The following SPHKAP variants were observed in gnomAD, a reference collection of about 807,000 sequenced individuals.
SPHKAP encodes SPHK1 interactor, AKAP domain containing.
Under a neutral mutation model 137.5 loss-of-function variants are expected in SPHKAP, and 67 were observed. The observed-to-expected ratio is 0.49, with a 90% CI of 0.40 to 0.60. The LOEUF is 0.60. SPHKAP is among the 20% of genes least tolerant of loss of function. SPHKAP has a pLI of 0.00. For missense variants in SPHKAP, 2,097 were observed against 2,069.3 expected, an observed-to-expected ratio of 1.01 and a Z score of -0.26; for synonymous variants, 813 against 785.3, an observed-to-expected ratio of 1.04 and a Z score of -0.59.
intron 8 of SPHKAP, among the ~76,000 whole-genome samples, chr2:227,994,287 A>G (rs1693540467): frequency 6.6e-6 from 1 of 152,194 alleles, no homozygotes; most frequent in Admixed American, 6.5e-5. Context: ...CACAGATTGC[A>G]TCATGTTCAT....
intron 3 of SPHKAP, among the ~76,000 whole-genome samples, chr2:228,037,521 A>C (rs886640901): frequency 1.3e-5 from 2 of 152,154 alleles, no homozygotes; most frequent in African/African-American, 4.8e-5. Flanking sequence ...CCTGGAAGTC[A>C]TTCCTATATG....
intron 3 of SPHKAP, among the ~76,000 whole-genome samples, chr2:228,048,124 C>T (rs941755154): frequency 2.0e-5 from 3 of 152,126 alleles, no homozygotes; most frequent in African/African-American, 7.2e-5. Context: ...CTGAAGGGGA[C>T]ACCATGCTCC....
intron 1 of SPHKAP, among the ~76,000 whole-genome samples, chr2:228,166,896 C>T (rs879280640): frequency 1.6e-4 from 24 of 152,088 alleles, no homozygotes; most frequent in Non-Finnish European, 2.9e-4. Flanking sequence ...TGGAAGTTTA[C>T]AGTCATGGCA....
intron 3 of SPHKAP, among the ~76,000 whole-genome samples, chr2:228,048,979 C>T (rs1252164359): frequency 6.6e-6 from 1 of 152,152 alleles, no homozygotes; most frequent in Non-Finnish European, 1.5e-5. Flanking sequence ...CGCGATTGCA[C>T]TGACACCAAC....
Position 227,981,776 on chromosome 2 carries a change from G to T in SPHKAP, c.5044C>A (p.His1682Asn), listed in dbSNP as rs776844223. ...AGTCTCCCATCCTTCTGCTCCTCATGCATTTTGCAGTACTGGACAACTGCA... is the reference window on the plus strand; with the variant it reads ...AGTCTCCCATCCTTCTGCTCCTCATTCATTTTGCAGTACTGGACAACTGCA... Reference protein sequence around the residue: ...FHAVVQYCKMHEEQKDGRLSL... With the variant: ...FHAVVQYCKMNEEQKDGRLSL... The change falls in exon 12 of 12, where the codon CAT becomes AAT. Residue 1682 changes from histidine to asparagine, a missense_variant. Coordinates refer to ENST00000392056, the MANE Select transcript of SPHKAP (RefSeq NM_001142644.2). 1 of 1,613,740 alleles carries T rather than the reference G, an allele frequency of 6.2e-7. No homozygotes were observed. The highest frequency in any genetic ancestry group is 8.5e-7 in the Non-Finnish European group (1 of 1,179,826).
At chr2:228,059,822 T>C (rs1193067136) in intron 3 of SPHKAP, among the ~76,000 whole-genome samples, 1 of 152,218 alleles carries the variant, frequency 6.6e-6, no homozygotes, top group Non-Finnish European at 1.5e-5. Context: ...GTGAGTTTGG[T>C]TGGCTTATCT....
intron 7 of SPHKAP, among the ~76,000 whole-genome samples, chr2:228,000,725 C>A (rs1389609234): frequency 6.6e-6 from 1 of 152,050 alleles, no homozygotes; most frequent in African/African-American, 2.4e-5. Flanking sequence ...CTTGACAGTT[C>A]TTTTTTGTTA....
intron 11 of SPHKAP, 105 bp downstream of exon 11, chr2:227,990,895 G>T: frequency 1.7e-6 from 2 of 1,160,366 alleles, no homozygotes; most frequent in Non-Finnish European, 2.5e-6. Flanking sequence ...AGAACAGTCA[G>T]GATCAAATAA....
At chr2:228,178,020 G>A (rs1700790660) in intron 1 of SPHKAP, among the ~76,000 whole-genome samples, 1 of 152,144 alleles carries the variant, frequency 6.6e-6, no homozygotes, top group Non-Finnish European at 1.5e-5. Context: ...TGGCCAAGGT[G>A]ACAAACTATT....
intron 1 of SPHKAP, among the ~76,000 whole-genome samples, chr2:228,142,119 A>G (rs1699624138): frequency 6.6e-6 from 1 of 152,172 alleles, no homozygotes; most frequent in African/African-American, 2.4e-5. Flanking sequence ...TTGATCGTTT[A>G]CAGTTAAAGG....
intron 1 of SPHKAP, among the ~76,000 whole-genome samples, chr2:228,153,598 A>T (rs534769444): frequency 5.3e-5 from 8 of 152,310 alleles, no homozygotes; most frequent in African/African-American, 1.9e-4. Context: ...GTTATTTTTT[A>T]AAAAGGTCAT....
chr2:228,031,894 T>C (rs1329803726), intron 3 of SPHKAP, among the ~76,000 whole-genome samples: 2 of 152,186 alleles, frequency 1.3e-5, no homozygotes, highest in East Asian at 1.9e-4. Context: ...ACATCACCAT[T>C]ATCAAAGACC....
At chr2:228,177,672 A>G (rs750348643) in intron 1 of SPHKAP, among the ~76,000 whole-genome samples, 31 of 152,192 alleles carry the variant, frequency 2.0e-4, no homozygotes, top group Non-Finnish European at 4.0e-4. Context: ...CCATTTTAAA[A>G]AATCAATTTT....
chr2:228,120,740 G>A (rs1698877266), intron 2 of SPHKAP, among the ~76,000 whole-genome samples: 1 of 152,190 alleles, frequency 6.6e-6, no homozygotes, highest in Non-Finnish European at 1.5e-5. Context: ...TCACACAGAT[G>A]TCAGCTGGCT....
intron 5 of SPHKAP, among the ~76,000 whole-genome samples, chr2:228,023,288 C>CAAAG (rs1315329872): frequency 6.6e-6 from 1 of 152,104 alleles, no homozygotes; most frequent in Non-Finnish European, 1.5e-5. Flanking sequence ...GTCTATTTTT[C>CAAAG]AAAGAAGGTG....
chr2:228,040,626 G>C (rs1013375760), intron 3 of SPHKAP, among the ~76,000 whole-genome samples: 1 of 152,014 alleles, frequency 6.6e-6, no homozygotes, highest in Non-Finnish European at 1.5e-5. Context: ...TCTGGGGGAA[G>C]CTCTTCAAGC....
rs535121858 is a variant in SPHKAP at position 228,144,700 on chromosome 2, C to A, written c.33-12615G>T. Among the ~76,000 whole-genome samples, 8 of 152,166 alleles carry A rather than the reference C, an allele frequency of 5.3e-5. No homozygotes were observed. In the East Asian group the frequency reaches 1.5e-3, roughly 29 times the overall value. ...ACAGGAAATGTGAAATTCTATTACA[C>A]TTAAGAGTTCTGAGGAAATTTTCTG... On this transcript the variant is annotated intron_variant, in intron 1 of 11. Transcript: ENST00000392056.
rs375395175 is a variant in SPHKAP, at chr2:228,033,681, C to G, written c.247-6138G>C. ...GAACAGAAATTATAACAAACTTTCT[C>G]TCAGACCACAGTGCAATTAAACTAG... On this transcript the variant is annotated intron_variant, in intron 3 of 11. Transcript: ENST00000392056. Among the ~76,000 whole-genome samples, 14 of 152,336 alleles carry G rather than the reference C, an allele frequency of 9.2e-5. No homozygotes were observed. The East Asian group carries it at 1.7e-3, about 19-fold the overall frequency.
rs149793026 is a variant in SPHKAP at position 228,176,440 on chromosome 2, T to C, written c.32+5127A>G. The stretch of plus-strand genomic sequence containing the variant: ...GTAGGAGTGACATAGAAGATAAGTA[T>C]ATCCAAGTATATCCATAGAAGATAA... On this transcript the variant is annotated intron_variant, in intron 1 of 11. Coordinates refer to ENST00000392056, the MANE Select transcript of SPHKAP (RefSeq NM_001142644.2). Among the ~76,000 whole-genome samples the C allele has an allele frequency of 3.7e-3, 569 of 152,332 alleles. 4 individuals are homozygous for C. Among genetic ancestry groups the C allele is most frequent in the African/African-American group, 0.013 (543 of 41,580 alleles).
Sources: gnomAD v4.1 joint callset for allele counts (sites outside exome capture counted in the v4.1 genomes callset) on GRCh38, gnomAD v4.1.1 for gene constraint, MANE v1.5 for transcripts, NCBI Gene and HGNC (gene_info 2026-07-23, HGNC 2026-07-21) for gene names.